Variants in CSMD1 observed in about 807,000 individuals in gnomAD.
The protein encoded by CSMD1 is CUB and sushi domain-containing protein 1.
A neutral mutation model predicts 417.5 loss-of-function variants in CSMD1; 213 were observed. That is an observed-to-expected ratio of 0.51 (90% confidence interval 0.46 to 0.57). The LOEUF (loss-of-function observed/expected upper bound fraction) is 0.57. CSMD1 is among the 20% of genes least tolerant of loss of function. CSMD1 has a pLI of 0.00. For synonymous variants in CSMD1, 2,862 were observed against 1,736.8 expected (o/e 1.65, Z -16.11); for missense variants, 6,923 against 4,529.7 (o/e 1.53, Z -15.17).
chr8:3,338,781 T>A (rs1369061381), intron 23 of CSMD1, among the ~76,000 whole-genome samples: 1 of 152,066 alleles, frequency 6.6e-6, no homozygotes, highest in Non-Finnish European at 1.5e-5. Context: ...AGCTCTATCA[T>A]GCAGATCCAG....
intron 3 of CSMD1, among the ~76,000 whole-genome samples, chr8:4,139,602 G>A (rs73176396): frequency 1.3e-5 from 2 of 150,958 alleles, no homozygotes; most frequent in African/African-American, 5.0e-5. Context: ...GCATCAAGGG[G>A]ACAAGGAGCA....
At chr8:4,115,337 G>A (rs969403196) in intron 3 of CSMD1, among the ~76,000 whole-genome samples, 1 of 152,150 alleles carries the variant, frequency 6.6e-6, no homozygotes, top group South Asian at 2.1e-4. Flanking sequence ...ACACATTTTA[G>A]ACATAATACT....
intron 10 of CSMD1, among the ~76,000 whole-genome samples, chr8:3,557,871 T>C (rs759835369): frequency 1.3e-5 from 2 of 152,178 alleles, no homozygotes; most frequent in Non-Finnish European, 2.9e-5. Context: ...ATAATGCCAT[T>C]GGTTCAGCAT....
At chr8:4,207,761 A>C (rs1404695193) in intron 3 of CSMD1, among the ~76,000 whole-genome samples, 1 of 152,154 alleles carries the variant, frequency 6.6e-6, no homozygotes. Flanking sequence ...TCGATAATCT[A>C]CTAGGATAGC....
rs757615736 is a variant in CSMD1 at position 4,143,369 on chromosome 8, CCCTT to C, written c.416-111274_416-111271del. 6.9e-3 allele frequency among the ~76,000 whole-genome samples: 754 copies of C among 108,878 alleles called. 53 individuals are homozygous for C. Among genetic ancestry groups the C allele is most frequent in the African/African-American group, 0.032 (662 of 20,556 alleles). The allele number at this position is 108,878 out of a possible 152,430, so 71.4% of individuals were successfully genotyped here. ...CTGCTGAAATATAATGACGTCTTAT[CCCTT>C]TTTTTTTTTTTTTTGCTACAGACTA... On this transcript the variant is annotated intron_variant, in intron 3 of 69. Transcript: ENST00000635120.
At chr8:3,777,182 T>C (rs1404705126) in intron 5 of CSMD1, among the ~76,000 whole-genome samples, 1 of 151,782 alleles carries the variant, frequency 6.6e-6, no homozygotes, top group Non-Finnish European at 1.5e-5. Flanking sequence ...TGTATGTGTG[T>C]CTGTTACTTG....
At chr8:4,621,034 T>C (rs1254900658) in intron 2 of CSMD1, among the ~76,000 whole-genome samples, 1 of 151,862 alleles carries the variant, frequency 6.6e-6, no homozygotes, top group Non-Finnish European at 1.5e-5. Context: ...AAATGAAAAA[T>C]CCATTTTTAT....
rs929161615 is a variant in CSMD1, at chr8:4,139,977, G to C, written c.416-107878C>G. On this transcript the variant is annotated intron_variant, in intron 3 of 69. Coordinates refer to ENST00000635120, the MANE Select transcript of CSMD1 (RefSeq NM_033225.6). ...GGGCAGGTGAAACTATGTTTATGTG[G>C]GCAGGGGTTGCAGGTAGGAGGTAAA... Among the ~76,000 whole-genome samples the C allele has an allele frequency of 9.3e-5, 14 of 150,952 alleles. 1 individual carries two copies. The highest frequency in any genetic ancestry group is 3.5e-4 in the African/African-American group (14 of 40,324).
Position 4,602,714 on chromosome 8 carries a change from C to G in CSMD1, c.302+34628G>C, listed in dbSNP as rs923291264. Among the ~76,000 whole-genome samples the G allele has an allele frequency of 4.6e-5, 7 of 152,110 alleles. No individual in the cohort carries two copies. In the South Asian group the frequency reaches 1.4e-3, roughly 32 times the overall value. On this transcript the variant is annotated intron_variant, in intron 2 of 69. Coordinates refer to ENST00000635120, the MANE Select transcript of CSMD1 (RefSeq NM_033225.6). ...GTCTTAAGATCTTCATTGTTGTTAT[C>G]TACAAGGAAGCCACCAGCATCTACA... is the stretch of plus-strand genomic sequence containing the variant.
At chr8:3,767,328 T>A (rs941516499) in intron 5 of CSMD1, among the ~76,000 whole-genome samples, 3 of 152,058 alleles carry the variant, frequency 2.0e-5, no homozygotes, top group African/African-American at 4.8e-5. Context: ...GACAGTGGAG[T>A]CATACTGACC....
intron 2 of CSMD1, among the ~76,000 whole-genome samples, chr8:4,465,344 T>C (rs975212287): frequency 3.3e-5 from 5 of 152,144 alleles, no homozygotes; most frequent in Non-Finnish European, 7.4e-5. Flanking sequence ...GCAAAAAGTG[T>C]ACATCAGTAC....
chr8:4,016,946 C>T (rs1435298355), intron 4 of CSMD1, among the ~76,000 whole-genome samples: 1 of 152,156 alleles, frequency 6.6e-6, no homozygotes, highest in African/African-American at 2.4e-5. Flanking sequence ...AAAGATGAAA[C>T]TCCTTAAAGT....
chr8:3,006,183 GA>G (rs1807883722), intron 52 of CSMD1, among the ~76,000 whole-genome samples: 1 of 151,550 alleles, frequency 6.6e-6, no homozygotes, highest in Non-Finnish European at 1.5e-5. Context: ...TTGCTTCAAA[GA>G]GAATAAAATA....
At chr8:4,259,917 A>C (rs1403272954) in intron 3 of CSMD1, among the ~76,000 whole-genome samples, 1 of 152,196 alleles carries the variant, frequency 6.6e-6, no homozygotes, top group Non-Finnish European at 1.5e-5. Context: ...CTGTTGTATA[A>C]TACTACAAAA....
chr8:4,494,668 C>A (rs1801890777), intron 2 of CSMD1, among the ~76,000 whole-genome samples: 1 of 152,028 alleles, frequency 6.6e-6, no homozygotes, highest in African/African-American at 2.4e-5. Flanking sequence ...ATCTTCATCA[C>A]CATTCCTGCC....
chr8:3,269,377 G>A (rs1010506261), intron 26 of CSMD1, among the ~76,000 whole-genome samples: 1 of 152,196 alleles, frequency 6.6e-6, no homozygotes, highest in Non-Finnish European at 1.5e-5. Context: ...GAGAAACTTG[G>A]ACCATCAACC....
At chr8:3,990,579 T>A (rs1011758894) in intron 5 of CSMD1, among the ~76,000 whole-genome samples, 1 of 152,202 alleles carries the variant, frequency 6.6e-6, no homozygotes, top group Admixed American at 6.5e-5. Flanking sequence ...TGTCCCAAAT[T>A]TCAAATACGT....
At position 4,895,935 on chromosome 8, in the gene CSMD1, T is replaced by C. The variant is rs80243110; in HGVS notation, c.85+98397A>G. On this transcript the variant is annotated intron_variant, in intron 1 of 69. Transcript: ENST00000635120. ...TTCAGAATTGTTACCAATTATTTTT[T>C]TGACATCATCCCTCCATTTTCAGAC... 6.4e-3 allele frequency among the ~76,000 whole-genome samples: 975 copies of C among 152,202 alleles called. 14 individuals are homozygous for C. Among genetic ancestry groups the C allele is most frequent in the African/African-American group, 0.023 (939 of 41,458 alleles).
intron 7 of CSMD1, among the ~76,000 whole-genome samples, chr8:3,649,896 G>T (rs1467249383): frequency 2.6e-5 from 4 of 152,126 alleles, no homozygotes; most frequent in Non-Finnish European, 4.4e-5. Context: ...ATACTATCTA[G>T]CCCAGAGCTT....
Sources: allele counts gnomAD v4.1 joint callset (sites outside exome capture counted in the v4.1 genomes callset), GRCh38; gene constraint gnomAD v4.1.1; transcripts MANE v1.5; gene names NCBI Gene and HGNC (gene_info 2026-07-23, HGNC 2026-07-21).